The following MIER2 variants were observed in gnomAD, a reference collection of about 807,000 sequenced individuals.
MIER2 encodes the protein MIER family member 2.
In MIER2, 30 loss-of-function variants were observed where a neutral mutation model predicts 67.6. The observed-to-expected ratio is 0.44, with a 90% confidence interval of 0.33 to 0.60. MIER2 has a LOEUF of 0.60. MIER2 is among the 20% of genes least tolerant of loss of function. The pLI is 0.02. For synonymous variants in MIER2, 372 were observed against 312.6 expected (o/e 1.19, Z -2.00); for missense variants, 702 against 745.1 (o/e 0.94, Z 0.67).
rs1297035518 is a variant in MIER2 at position 309,923 on chromosome 19, C to T, written c.985-998G>A. 2.5e-5 allele frequency among the ~76,000 whole-genome samples: 3 copies of T among 118,884 alleles called. 1 individual carries two copies. The highest frequency in any genetic ancestry group is 1.2e-4 in the African/African-American group (3 of 25,676). The allele number at this position is 118,884 out of a possible 152,430, so 78.0% of individuals were successfully genotyped here. Reference sequence around the variant, plus strand: ...ACACGAGAAGGGACACACACACACACGCACACAAGGCTTCAGGGAGACGAG... The same window carrying T: ...ACACGAGAAGGGACACACACACACATGCACACAAGGCTTCAGGGAGACGAG... On this transcript the variant is annotated intron_variant, in intron 10 of 13. Transcript: ENST00000264819.
intron 2 of MIER2, 44 bp from the exon 3 acceptor site, chr19:334,586 G>A: frequency 1.3e-6 from 2 of 1,597,400 alleles, no homozygotes; most frequent in Non-Finnish European, 1.7e-6. Context: ...TGCCTCGCCT[G>A]TCCCAACCAT....
At chr19:339,301 C>CAGA (rs1364509962) in intron 1 of MIER2, among the ~76,000 whole-genome samples, 7 of 152,252 alleles carry the variant, frequency 4.6e-5, no homozygotes, top group Non-Finnish European at 7.4e-5. Context: ...AGGATCTGAA[C>CAGA]AGACATTTCT....
chr19:326,306 G>T (rs1568229946), intron 6 of MIER2, among the ~76,000 whole-genome samples: 1 of 150,978 alleles, frequency 6.6e-6, no homozygotes. Context: ...GCCAGGTTGG[G>T]GACACGGCAG....
rs376433292 is a variant in MIER2 at position 308,580 on chromosome 19, T to C, written c.1195A>G (p.Thr399Ala). The change falls in exon 12 of 14, where the codon ACA becomes GCA. Residue 399 changes from threonine to alanine, a missense_variant. By Grantham distance (58) the Thr-to-Ala change is moderately conservative (BLOSUM62 0). Transcript: ENST00000264819. The surrounding 1 kb of genome is among the most constrained non-coding windows in gnomAD (Gnocchi z 9.1). Reference sequence around the variant, plus strand: ...GGAGATACTCCCCAAGCCTCACCTGTGCGCATCCCAGTCAGGGTGTCTTGC... The same window carrying C: ...GGAGATACTCCCCAAGCCTCACCTGCGCGCATCCCAGTCAGGGTGTCTTGC... Reference protein sequence around the residue: ...PEQDTLTGMRTDPLSVDGTAG... With the variant: ...PEQDTLTGMRADPLSVDGTAG... 3 of 1,600,636 alleles carry C rather than the reference T, an allele frequency of 1.9e-6. No homozygotes were observed. Among genetic ancestry groups the C allele is most frequent in the South Asian group, 1.1e-5 (1 of 88,692 alleles).
chr19:318,312 G>T (rs1350423107), intron 7 of MIER2, among the ~76,000 whole-genome samples: 1 of 152,194 alleles, frequency 6.6e-6, no homozygotes, highest in Non-Finnish European at 1.5e-5. Flanking sequence ...AGCTGCTGTG[G>T]TCACACTGAT....
intron 8 of MIER2, among the ~76,000 whole-genome samples, chr19:312,678 T>C (rs1971073363): frequency 2.0e-5 from 1 of 48,926 alleles, no homozygotes; most frequent in Non-Finnish European, 4.2e-5. Flanking sequence ...CAGGGCCACC[T>C]ACACCTCTAT....
intron 1 of MIER2, among the ~76,000 whole-genome samples, chr19:342,061 C>T (rs1239854409): frequency 6.6e-6 from 1 of 152,164 alleles, no homozygotes; most frequent in Non-Finnish European, 1.5e-5. Flanking sequence ...ATGCCCCAAG[C>T]CCTCTCCCCA....
intron 7 of MIER2, among the ~76,000 whole-genome samples, chr19:321,328 G>A (rs747322430): frequency 2.6e-5 from 4 of 152,194 alleles, no homozygotes; most frequent in Admixed American, 1.3e-4. Context: ...ATTCCACCGT[G>A]CACCGTTAAC....
intron 13 of MIER2, 128 bp downstream of exon 13, chr19:306,991 C>T: frequency 8.7e-7 from 1 of 1,149,686 alleles, no homozygotes; most frequent in South Asian, 1.6e-5. Context: ...CACTGAGAGC[C>T]TGCTCGTGGA....
intron 1 of MIER2, among the ~76,000 whole-genome samples, chr19:341,421 AG>A (rs1483396464): frequency 3.9e-5 from 6 of 152,134 alleles, no homozygotes; most frequent in African/African-American, 1.2e-4. Context: ...GCTAAGGCAG[AG>A]GGGGGCAAAG....
rs760146642 is a variant in MIER2, at chr19:308,093, G to A, written c.1198+484C>T. 3.9e-5 allele frequency among the ~76,000 whole-genome samples: 6 copies of A among 152,124 alleles called. No individual in the cohort carries two copies. The highest frequency in any genetic ancestry group is 7.4e-5 in the Non-Finnish European group (5 of 68,000). ...AAGGATCCTCGTTTGCACCCTCCCCGTGTGGGTCTCCACCTTCGGACGCCA... is the reference window on the plus strand; with the variant it reads ...AAGGATCCTCGTTTGCACCCTCCCCATGTGGGTCTCCACCTTCGGACGCCA... On this transcript the variant is annotated intron_variant, in intron 12 of 13. Transcript: ENST00000264819. The surrounding 1 kb of genome is among the most constrained non-coding windows in gnomAD (Gnocchi z 9.1).
chr19:307,193 A>G lies in MIER2; in HGVS notation c.1542T>C (p.Ile514=). The change falls in exon 13 of 14, where the codon ATT becomes ATC. Residue 514 remains isoleucine (I), a synonymous_variant. Transcript: ENST00000264819. ...CGGCCAGGAAGGGGTTCACGTCCCC[A>G]ATGCCGATGAGTCCAAACTCGGTGA... The part of the protein sequence containing the change: ...LSVTEFGLIG[I]GDVNPFLAAH... The G allele has an allele frequency of 6.3e-7, 1 of 1,590,600 alleles. No homozygotes were observed.
chr19:321,033 C>T (rs145776179), intron 7 of MIER2, among the ~76,000 whole-genome samples: 11 of 152,310 alleles, frequency 7.2e-5, no homozygotes, highest in Admixed American at 1.3e-4. Context: ...ATTCAGTACA[C>T]GGCAGGAAAG....
intron 10 of MIER2, 127 bp downstream of exon 10, chr19:311,718 G>T: frequency 1.2e-6 from 1 of 818,358 alleles, no homozygotes; most frequent in Non-Finnish European, 1.9e-6. Flanking sequence ...ATGGGCACAC[G>T]GTGAGGAGGC....
chr19:344,243 TCCCGCCCGGGGTCTGACCCAGC>T lies in MIER2; in HGVS notation c.9+509_9+530del. 11 of 985,208 alleles carry T rather than the reference TCCCGCCCGGGGTCTGACCCAGC, an allele frequency of 1.1e-5. No individual in the cohort carries two copies. The South Asian group carries it at 3.3e-4, about 29-fold the overall frequency. The allele number at this position is 985,208 out of a possible 1,614,324, so 61.0% of individuals were successfully genotyped here. On this transcript the variant is annotated intron_variant, in intron 1 of 13. Transcript: ENST00000264819. ...GGCGGGTCCGCGTCGGGAGTTCAAATCCCGCCCGGGGTCTGACCCAGCCCCGCCGGGGGGCTCGCGGGCGGCG... is the reference window on the plus strand; with the variant it reads ...GGCGGGTCCGCGTCGGGAGTTCAAATCCCGCCGGGGGGCTCGCGGGCGGCG...
Position 309,993 on chromosome 19 carries a change from GACAC to G in MIER2, c.985-1072_985-1069del, listed in dbSNP as rs772483898. Reference sequence around the variant, plus strand: ...ACAAGGCTTCAGGGAGACGAGAAGGGACACACACACACACGCACACAAGGCTTCA... The same window carrying G: ...ACAAGGCTTCAGGGAGACGAGAAGGGACACACACACGCACACAAGGCTTCA... On this transcript the variant is annotated intron_variant, in intron 10 of 13. Transcript: ENST00000264819. Among the ~76,000 whole-genome samples the G allele has an allele frequency of 4.5e-4, 50 of 110,748 alleles. 1 individual carries two copies. The highest frequency in any genetic ancestry group is 1.1e-3 in the African/African-American group (28 of 24,682). The allele number at this position is 110,748 out of a possible 152,430, so 72.7% of individuals were successfully genotyped here.
intron 7 of MIER2, among the ~76,000 whole-genome samples, chr19:317,522 G>A (rs1181687124): frequency 1.8e-5 from 2 of 108,734 alleles, no homozygotes; most frequent in Non-Finnish European, 3.7e-5. Flanking sequence ...GCGAGACTCT[G>A]TCTCAGAAAA....
chr19:326,909 A>T, intron 5 of MIER2: 1 of 609,006 alleles, frequency 1.6e-6, no homozygotes, highest in Non-Finnish European at 2.8e-6. Context: ...GGGAACCAAC[A>T]TGTTCCCTAC....
In MIER2 at chr19:336,063, G is replaced by T. The variant is rs1000128993; in HGVS notation, c.100+20C>A. 1 of 1,610,968 alleles carries T rather than the reference G, an allele frequency of 6.2e-7. No individual in the cohort carries two copies. Among genetic ancestry groups the T allele is most frequent in the Non-Finnish European group, 8.5e-7 (1 of 1,177,580 alleles). On this transcript the variant is annotated intron_variant, in intron 2 of 13. Coordinates refer to ENST00000264819, the MANE Select transcript of MIER2 (RefSeq NM_017550.3). ...AAAGGCCTTGGCGGACCTGAGCAGG[G>T]GAAGGAGGGAGGAAGGTACCTGCTG...
Sources: gnomAD v4.1 joint callset for allele counts (sites outside exome capture counted in the v4.1 genomes callset) on GRCh38, gnomAD v4.1.1 for gene constraint, Gnocchi (gnomAD v3.1) non-coding constraint, MANE v1.5 for transcripts, NCBI Gene and HGNC (gene_info 2026-07-23, HGNC 2026-07-21) for gene names.